The following ATP8B1 variants were observed in gnomAD, a reference collection of about 807,000 sequenced individuals.
The protein encoded by ATP8B1 is phospholipid-transporting ATPase IC.
A neutral mutation model predicts 149.9 loss-of-function variants in ATP8B1; 80 were observed. The ratio of observed to expected loss-of-function variants is 0.53; its 90% confidence interval spans 0.45 to 0.64. ATP8B1 has a LOEUF of 0.64. Ranked by LOEUF, ATP8B1 falls within the 30% of genes least tolerant of loss-of-function variation. The pLI is 0.00. For synonymous variants in ATP8B1, 536 were observed against 562.8 expected, an observed-to-expected ratio of 0.95 and a Z score of 0.67; for missense variants, 1,247 against 1,552.6, an observed-to-expected ratio of 0.80 and a Z score of 3.31.
chr18:57,686,749 T>C (rs1165866588), intron 13 of ATP8B1, among the ~76,000 whole-genome samples: 1 of 152,164 alleles, frequency 6.6e-6, no homozygotes, highest in Non-Finnish European at 1.5e-5. Flanking sequence ...TTGCCCAGGC[T>C]GGTCTCAAAG....
intron 2 of ATP8B1, among the ~76,000 whole-genome samples, chr18:57,729,748 A>C (rs1161544590): frequency 6.6e-6 from 1 of 151,550 alleles, no homozygotes; most frequent in Non-Finnish European, 1.5e-5. Context: ...ACGGGGTTTC[A>C]CCATGTTGGT....
chr18:57,709,564 A>AT (rs1913587036), intron 2 of ATP8B1, among the ~76,000 whole-genome samples: 1 of 152,172 alleles, frequency 6.6e-6, no homozygotes, highest in African/African-American at 2.4e-5. Flanking sequence ...GCAAATATTT[A>AT]TTTTAAGTGT....
At chr18:57,789,281 G>A (rs1264183101) in intron 1 of ATP8B1, among the ~76,000 whole-genome samples, 3 of 152,050 alleles carry the variant, frequency 2.0e-5, no homozygotes, top group African/African-American at 4.8e-5. Flanking sequence ...CATTTGGATC[G>A]ATTTTCCAAC....
intron 13 of ATP8B1, 30 bp downstream of exon 13, chr18:57,688,269 C>G: frequency 6.2e-7 from 1 of 1,605,530 alleles, no homozygotes; most frequent in Non-Finnish European, 8.5e-7. Flanking sequence ...GCCCCACTCA[C>G]CCAGAAAATG....
At chr18:57,668,163 G>C (rs1225878943) in intron 19 of ATP8B1, 2 of 1,395,040 alleles carry the variant, frequency 1.4e-6, no homozygotes, top group Non-Finnish European at 1.9e-6. Flanking sequence ...CCCACGTCTG[G>C]CTGGAGAGAT....
intron 1 of ATP8B1, among the ~76,000 whole-genome samples, chr18:57,744,285 G>C (rs2079944331): frequency 7.0e-6 from 1 of 143,172 alleles, no homozygotes; most frequent in Admixed American, 7.3e-5. Flanking sequence ...ACTCCAGCCT[G>C]GGTGACAGAG....
intron 1 of ATP8B1, among the ~76,000 whole-genome samples, chr18:57,774,212 CCAAT>C (rs60202721): frequency 0.2 from 30,091 of 152,072 alleles, 3,266 homozygotes; most frequent in South Asian, 0.24. Flanking sequence ...TTTTAGGAGC[CCAAT>C]CAATCACCAC....
At chr18:57,703,653 A>C (rs1913241478) in intron 4 of ATP8B1, among the ~76,000 whole-genome samples, 1 of 152,044 alleles carries the variant, frequency 6.6e-6, no homozygotes, top group African/African-American at 2.4e-5. Context: ...CACGGCAGAC[A>C]CTAAAGGTTG....
At chr18:57,770,631 C>T (rs559297367) in intron 1 of ATP8B1, among the ~76,000 whole-genome samples, 4 of 152,360 alleles carry the variant, frequency 2.6e-5, no homozygotes, top group African/African-American at 9.6e-5. Context: ...GAGGCTGAGA[C>T]AGGGACTTTG....
intron 16 of ATP8B1, among the ~76,000 whole-genome samples, chr18:57,672,885 A>AT (rs1568189091): frequency 9.0e-4 from 21 of 23,334 alleles, no homozygotes; most frequent in African/African-American, 2.6e-3. Flanking sequence ...AAAAAAAAAA[A>AT]GTATATATAT....
At chr18:57,743,446 G>A (rs2079937244) in intron 1 of ATP8B1, among the ~76,000 whole-genome samples, 1 of 152,150 alleles carries the variant, frequency 6.6e-6, no homozygotes, top group Admixed American at 6.6e-5. Context: ...TCTACAGGCA[G>A]ATCTATCCTA....
intron 18 of ATP8B1, chr18:57,668,816 T>C (rs1466549854): frequency 5.0e-6 from 2 of 398,370 alleles, no homozygotes; most frequent in Middle Eastern, 7.3e-4. Flanking sequence ...AAATACACTT[T>C]TCTTGTGTAT....
chr18:57,756,669 C>T (rs2080088003), intron 1 of ATP8B1, among the ~76,000 whole-genome samples: 2 of 151,898 alleles, frequency 1.3e-5, no homozygotes, highest in South Asian at 2.1e-4. Context: ...CTCTCTCTCT[C>T]TCTTTTTAAA....
intron 1 of ATP8B1, among the ~76,000 whole-genome samples, chr18:57,750,115 A>T (rs1399223879): frequency 6.6e-6 from 1 of 152,104 alleles, no homozygotes; most frequent in African/African-American, 2.4e-5. Context: ...TGGTGGCGTG[A>T]GCCTGTAATC....
intron 1 of ATP8B1, among the ~76,000 whole-genome samples, chr18:57,748,575 G>A (rs774940524): frequency 2.6e-5 from 4 of 152,134 alleles, no homozygotes; most frequent in Admixed American, 6.6e-5. Flanking sequence ...CTTTAACATC[G>A]GAGAGGGCCT....
chr18:57,758,328 G>A (rs562212545), intron 1 of ATP8B1, among the ~76,000 whole-genome samples: 28 of 151,030 alleles, frequency 1.9e-4, no homozygotes, highest in African/African-American at 5.6e-4. Context: ...CTGTTTATCC[G>A]TCCTGTGTGT....
chr18:57,732,706 G>A (rs2123149397), intron 1 of ATP8B1, among the ~76,000 whole-genome samples: 1 of 152,150 alleles, frequency 6.6e-6, no homozygotes, highest in East Asian at 1.9e-4. Context: ...GGGATTACAG[G>A]CACACACCAC....
intron 2 of ATP8B1, among the ~76,000 whole-genome samples, chr18:57,707,120 G>C (rs990311094): frequency 3.3e-5 from 5 of 152,098 alleles, no homozygotes; most frequent in East Asian, 1.9e-4. Context: ...GCCTGGCCAA[G>C]GTGGTGAAAC....
chr18:57,771,398 T>C (rs923025119), intron 1 of ATP8B1, among the ~76,000 whole-genome samples: 2 of 152,178 alleles, frequency 1.3e-5, no homozygotes, highest in African/African-American at 4.8e-5. Flanking sequence ...GCATCTCCTA[T>C]TGTTAGGCAA....
Sources: gnomAD v4.1 joint callset for allele counts (sites outside exome capture counted in the v4.1 genomes callset) on GRCh38, gnomAD v4.1.1 for gene constraint, MANE v1.5 for transcripts, NCBI Gene and HGNC (gene_info 2026-07-23, HGNC 2026-07-21) for gene names.